Variants in KCNT2 observed in about 807,000 individuals in gnomAD.
The protein encoded by KCNT2 is potassium channel subfamily T member 2.
In KCNT2, 67 loss-of-function variants were observed where a neutral mutation model predicts 153.8. The ratio of observed to expected loss-of-function variants is 0.44; its 90% CI spans 0.36 to 0.53. The LOEUF (loss-of-function observed/expected upper bound fraction) is 0.53, where lower values mean the gene tolerates loss of function less well. Among genes scored for constraint, KCNT2 ranks in the 20% least tolerant of loss-of-function variants. KCNT2 has a pLI of 0.00. For missense variants in KCNT2, 975 were observed against 1,354.8 expected (o/e 0.72, Z 4.40); for synonymous variants, 500 against 458.8 (o/e 1.09, Z -1.15).
intron 1 of KCNT2, among the ~76,000 whole-genome samples, chr1:196,541,507 C>G (rs1336711051): frequency 6.6e-6 from 1 of 151,944 alleles, no homozygotes; most frequent in Non-Finnish European, 1.5e-5. Context: ...TATACAAAGT[C>G]TTATTGGCGC....
At chr1:196,476,446 T>C (rs1366007742) in intron 5 of KCNT2, among the ~76,000 whole-genome samples, 3 of 152,160 alleles carry the variant, frequency 2.0e-5, no homozygotes, top group Non-Finnish European at 4.4e-5. Flanking sequence ...ATATTTATAG[T>C]GCACCTATTT....
intron 25 of KCNT2, among the ~76,000 whole-genome samples, chr1:196,259,812 T>A (rs563553307): frequency 1.5e-4 from 23 of 152,058 alleles, no homozygotes; most frequent in Admixed American, 1.2e-3. Context: ...ATAAAATAAT[T>A]GAGATTAAAT....
chr1:196,288,535 T>A (rs1659890233), intron 22 of KCNT2, among the ~76,000 whole-genome samples: 1 of 152,066 alleles, frequency 6.6e-6, no homozygotes, highest in Non-Finnish European at 1.5e-5. Flanking sequence ...GGAGGTGGCA[T>A]GGGAAAATTG....
chr1:196,504,458 C>A (rs2148775656), intron 1 of KCNT2, among the ~76,000 whole-genome samples: 1 of 152,146 alleles, frequency 6.6e-6, no homozygotes, highest in South Asian at 2.1e-4. Flanking sequence ...TGTATATGTG[C>A]CACATTTTCT....
At chr1:196,473,486 T>C (rs1450168837) in intron 5 of KCNT2, among the ~76,000 whole-genome samples, 1 of 152,230 alleles carries the variant, frequency 6.6e-6, no homozygotes, top group African/African-American at 2.4e-5. Flanking sequence ...GATTGTTGAC[T>C]CACACCACAT....
intron 1 of KCNT2, among the ~76,000 whole-genome samples, chr1:196,516,849 A>C (rs1368805758): frequency 6.6e-6 from 1 of 152,128 alleles, no homozygotes; most frequent in Non-Finnish European, 1.5e-5. Context: ...ATCCAAGGTG[A>C]CTAGAGACTA....
intron 5 of KCNT2, among the ~76,000 whole-genome samples, chr1:196,470,086 T>C (rs750716596): frequency 2.6e-5 from 4 of 152,180 alleles, no homozygotes; most frequent in Admixed American, 1.3e-4. Context: ...TTTGTGAGCA[T>C]AGTTTATCAC....
Position 196,340,498 on chromosome 1 carries a change from G to A in KCNT2, c.1626C>T (p.Tyr542=), listed in dbSNP as rs1364879387. Reference sequence around the variant, plus strand: ...AGCATATGTCTGTAGAATTCATAATGTATCGAGGACCTGGATTCAGCAAAA... The same window carrying A: ...AGCATATGTCTGTAGAATTCATAATATATCGAGGACCTGGATTCAGCAAAA... ...KNILLNPGPR[Y]IMNSTDICFY... is the part of the protein sequence containing the mutation. The change falls in exon 16 of 28, where the codon TAC becomes TAT. Residue 542 remains tyrosine, a synonymous_variant. Transcript: ENST00000294725. 2 of 1,611,694 alleles carry A rather than the reference G, an allele frequency of 1.2e-6. No homozygotes were observed. The highest frequency in any genetic ancestry group is 1.7e-6 in the Non-Finnish European group (2 of 1,178,602).
chr1:196,316,336 A>C (rs1662719205), intron 20 of KCNT2, among the ~76,000 whole-genome samples: 2 of 151,728 alleles, frequency 1.3e-5, no homozygotes. Context: ...ATTTTGCAAT[A>C]AAATAGAGCA....
At chr1:196,481,648 TA>T (rs1475008533) in intron 4 of KCNT2, among the ~76,000 whole-genome samples, 1 of 152,110 alleles carries the variant, frequency 6.6e-6, no homozygotes, top group Non-Finnish European at 1.5e-5. Context: ...CTGTAGGAAG[TA>T]AACAGAAGTA....
At chr1:196,391,041 C>G (rs544019644) in intron 13 of KCNT2, among the ~76,000 whole-genome samples, 3 of 151,164 alleles carry the variant, frequency 2.0e-5, no homozygotes, top group East Asian at 3.9e-4. Context: ...AAGCAATATA[C>G]AGTGAGACTA....
chr1:196,257,985 T>C (rs1251359969), intron 26 of KCNT2: 14 of 1,375,932 alleles, frequency 1.0e-5, no homozygotes, highest in Admixed American at 3.0e-5. Context: ...GCACAGTACC[T>C]AGCAGACTCA....
chr1:196,266,419 C>T (rs1052180303), intron 25 of KCNT2, among the ~76,000 whole-genome samples: 4 of 152,156 alleles, frequency 2.6e-5, no homozygotes, highest in African/African-American at 9.7e-5. Context: ...TCTTAACCAT[C>T]AGAATTACTT....
intron 1 of KCNT2, among the ~76,000 whole-genome samples, chr1:196,573,244 G>A (rs984963910): frequency 6.6e-6 from 1 of 152,038 alleles, no homozygotes; most frequent in African/African-American, 2.4e-5. Context: ...AGAGAGAATT[G>A]TGAGAGACAC....
At chr1:196,591,245 C>T (rs1037321969) in intron 1 of KCNT2, among the ~76,000 whole-genome samples, 2 of 152,072 alleles carry the variant, frequency 1.3e-5, no homozygotes, top group Admixed American at 6.6e-5. Flanking sequence ...CTTGCTCCCT[C>T]TCTTGCCATG....
At chr1:196,337,440 T>C (rs1205568774) in intron 16 of KCNT2, among the ~76,000 whole-genome samples, 4 of 152,120 alleles carry the variant, frequency 2.6e-5, no homozygotes, top group Non-Finnish European at 5.9e-5. Flanking sequence ...TCAATGGCTC[T>C]GCATAAAGCC....
chr1:196,371,361 A>G (rs1028604168), intron 14 of KCNT2, among the ~76,000 whole-genome samples: 8 of 150,958 alleles, frequency 5.3e-5, no homozygotes, highest in African/African-American at 1.5e-4. Flanking sequence ...TGGTGGGGGG[A>G]AAATGTAGGG....
intron 14 of KCNT2, among the ~76,000 whole-genome samples, chr1:196,356,387 T>C (rs373122870): frequency 2.2e-4 from 33 of 151,914 alleles, no homozygotes; most frequent in East Asian, 1.7e-3. Flanking sequence ...CCTAACATGG[T>C]ACCTTACATA....
chr1:196,244,403 C>T (rs1014183702), intron 26 of KCNT2, among the ~76,000 whole-genome samples: 11 of 152,048 alleles, frequency 7.2e-5, no homozygotes, highest in African/African-American at 2.7e-4. Flanking sequence ...TTTTACTGTC[C>T]CCAGTACTAG....
Sources: allele counts gnomAD v4.1 joint callset (sites outside exome capture counted in the v4.1 genomes callset), GRCh38; gene constraint gnomAD v4.1.1; transcripts MANE v1.5; gene names NCBI Gene and HGNC (gene_info 2026-07-23, HGNC 2026-07-21).